Variants in KRTAP9-2 observed in about 807,000 individuals in gnomAD.
KRTAP9-2 encodes the protein keratin-associated protein 9-2.
In KRTAP9-2, 12 loss-of-function variants were observed where a neutral mutation model predicts 14.1. The ratio of observed to expected loss-of-function variants is 0.85; its 90% CI spans 0.55 to 1.38. The LOEUF is 1.38. KRTAP9-2 is among the 40% of genes most tolerant of loss of function. The pLI is 0.00. For missense variants in KRTAP9-2, 185 were observed against 216.3 expected, an observed-to-expected ratio of 0.86 and a Z score of 0.91; for synonymous variants, 72 against 79.5, an observed-to-expected ratio of 0.91 and a Z score of 0.50.
In KRTAP9-2 at chr17:41,227,144, T is replaced by C. The variant is rs1326560244; in HGVS notation, c.490T>C (p.Cys164Arg). 3 of 1,608,482 alleles carry C rather than the reference T, an allele frequency of 1.9e-6. No homozygotes were observed. The highest frequency in any genetic ancestry group is 2.5e-6 in the Non-Finnish European group (3 of 1,178,548). ...CCRTTCFQPTCVSSCCQPSCC is the reference protein window; with the variant it reads ...CCRTTCFQPTRVSSCCQPSCC Reference sequence around the variant, plus strand: ...CAGGACCACTTGCTTCCAGCCCACCTGTGTGTCCAGCTGCTGCCAGCCTTC... The same window carrying C: ...CAGGACCACTTGCTTCCAGCCCACCCGTGTGTCCAGCTGCTGCCAGCCTTC... Residue 164 changes from cysteine (C) to arginine (R), a missense_variant, in exon 1 of 1, where the codon TGT becomes CGT. Around this residue, in one of 2 missense-constraint regions of KRTAP9-2, gnomAD observed 164 missense variants for 168.3 expected, o/e 0.97. Coordinates refer to ENST00000377721, the MANE Select transcript of KRTAP9-2 (RefSeq NM_031961.3).
rs2015785128 is a variant in KRTAP9-2, at chr17:41,227,390, A to T, written c.*211A>T. 6.6e-6 allele frequency: 3 copies of T among 455,308 alleles called. No individual in the cohort carries two copies. Among genetic ancestry groups the T allele is most frequent in the Non-Finnish European group, 1.1e-5 (3 of 275,798 alleles). The allele number at this position is 455,308 out of a possible 1,614,324, so 28.2% of individuals were successfully genotyped here. ...TCTTTTTCCTTACACCTTGTGGATC[A>T]TGTGCCAGCTTCATCTGTTCTCAAG... On this transcript the variant is annotated 3_prime_UTR_variant, in exon 1 of 1. Coordinates refer to ENST00000377721, the MANE Select transcript of KRTAP9-2 (RefSeq NM_031961.3).
In KRTAP9-2 at chr17:41,226,931, T is replaced by C. The variant is rs765468851; in HGVS notation, c.277T>C (p.Ser93Pro). 1 of 1,609,856 alleles carries C rather than the reference T, an allele frequency of 6.2e-7. No individual in the cohort carries two copies. The highest frequency in any genetic ancestry group is 8.5e-7 in the Non-Finnish European group (1 of 1,179,736). Residue 93 changes from serine to proline, a missense_variant, in exon 1 of 1, where the codon TCC becomes CCC. Ser to Pro is a moderately conservative substitution (Grantham distance 74). Transcript: ENST00000377721. ...CTGCTGCCAGCCCACCTGCTGTGGGTCCAGCTGCTGTGGCCAAACCAGCTG... is the reference window on the plus strand; with the variant it reads ...CTGCTGCCAGCCCACCTGCTGTGGGCCCAGCTGCTGTGGCCAAACCAGCTG... ...TPCCQPTCCG[S>P]SCCGQTSCGS...
At position 41,227,454 on chromosome 17, in the gene KRTAP9-2, G is replaced by T; in HGVS notation, c.*275G>T. The T allele has an allele frequency of 3.0e-6, 1 of 331,612 alleles. No homozygotes were observed. The highest frequency in any genetic ancestry group is 3.0e-5 in the South Asian group (1 of 32,804). 20.5% of individuals were successfully genotyped at this position (331,612 alleles called of 1,614,324 possible). A position where few individuals can be genotyped will look rare whatever the true frequency, so the allele number is the denominator to read the frequency against. ...CTCAGCTTTGACTCTAAAGTCAAGAGCTTCATTCCCTGCTTCTAAGGAATT... is the reference window on the plus strand; with the variant it reads ...CTCAGCTTTGACTCTAAAGTCAAGATCTTCATTCCCTGCTTCTAAGGAATT... On this transcript the variant is annotated 3_prime_UTR_variant, in exon 1 of 1. Transcript: ENST00000377721.
rs766005594 is a variant in KRTAP9-2 at position 41,227,040 on chromosome 17, C to T, written c.386C>T (p.Pro129Leu). The change falls in exon 1 of 1, where the codon CCT becomes CTT. Residue 129 changes from proline (P) to leucine (L), a missense_variant. Coordinates refer to ENST00000377721, the MANE Select transcript of KRTAP9-2 (RefSeq NM_031961.3). ...TCYYPTTVCL[P>L]GCLNQSCGSN... ...TACTACCCCACGACTGTCTGCCTGC[C>T]TGGTTGCCTAAACCAGAGCTGTGGC... The T allele has an allele frequency of 3.5e-5, 56 of 1,613,732 alleles. No individual in the cohort carries two copies. In the Admixed American group the frequency reaches 8.7e-4, roughly 25 times the overall value.
In KRTAP9-2 at chr17:41,226,934, A is replaced by G; in HGVS notation, c.280A>G (p.Ser94Gly). The G allele has an allele frequency of 6.2e-7, 1 of 1,609,690 alleles. No homozygotes were observed. Among genetic ancestry groups the G allele is most frequent in the Admixed American group, 1.7e-5 (1 of 59,788 alleles). ...PCCQPTCCGS[S>G]CCGQTSCGSS... ...CTGCCAGCCCACCTGCTGTGGGTCC[A>G]GCTGCTGTGGCCAAACCAGCTGTGG... Residue 94 changes from serine (S) to glycine (G), a missense_variant, in exon 1 of 1, where the codon AGC (serine) becomes GGC (glycine). Ser to Gly is a moderately conservative substitution (Grantham distance 56). This residue lies in a region of KRTAP9-2 where 164 missense variants were observed against 168.3 expected (regional missense o/e 0.97). Coordinates refer to ENST00000377721, the MANE Select transcript of KRTAP9-2 (RefSeq NM_031961.3).
In KRTAP9-2 at chr17:41,227,375, T is replaced by A; in HGVS notation, c.*196T>A. 2.1e-6 allele frequency: 1 copy of A among 479,868 alleles called. No individual in the cohort carries two copies. Among genetic ancestry groups the A allele is most frequent in the Non-Finnish European group, 3.4e-6 (1 of 292,952 alleles). 29.7% of individuals were successfully genotyped at this position (479,868 alleles called of 1,614,324 possible). ...ACTTCATCCTGATTCTCTTTTTCCT[T>A]ACACCTTGTGGATCATGTGCCAGCT... On this transcript the variant is annotated 3_prime_UTR_variant, in exon 1 of 1. Coordinates refer to ENST00000377721, the MANE Select transcript of KRTAP9-2 (RefSeq NM_031961.3).
At chr17:41,226,783 T>A in the KRTAP9-2 span, 1 of 1,520,596 alleles carries the variant, frequency 6.6e-7, no homozygotes. Flanking sequence ...CCGCCTGCTG[T>A]GTGTCCAGCT....
Position 41,226,788 on chromosome 17 carries a change from C to T in KRTAP9-2, c.134C>T (p.Ser45Phe). 2.0e-6 allele frequency: 3 copies of T among 1,509,186 alleles called. No individual in the cohort carries two copies. The highest frequency in any genetic ancestry group is 2.7e-6 in the Non-Finnish European group (3 of 1,114,190). The allele number at this position is 1,509,186 out of a possible 1,614,324, so 93.5% of individuals were successfully genotyped here. The change falls in exon 1 of 1, where the codon TCC becomes TTC. Residue 45 changes from serine (S) to phenylalanine (F), a missense_variant. By Grantham distance (155) the Ser-to-Phe change is radical. This residue lies in a region of KRTAP9-2 where 164 missense variants were observed against 168.3 expected (regional missense o/e 0.97). Coordinates refer to ENST00000377721, the MANE Select transcript of KRTAP9-2 (RefSeq NM_031961.3). Reference protein sequence around the residue: ...TPCCQPACCVSSCCQPCCRPT... With the variant: ...TPCCQPACCVFSCCQPCCRPT... Reference sequence around the variant, plus strand: ...TGCTGCCAGCCCGCCTGCTGTGTGTCCAGCTGCTGCCAGCCTTGCTGCCGC... The same window carrying T: ...TGCTGCCAGCCCGCCTGCTGTGTGTTCAGCTGCTGCCAGCCTTGCTGCCGC...
Position 41,227,024 on chromosome 17 carries a change from A to T in KRTAP9-2, c.370A>T (p.Thr124Ser). 6.2e-7 allele frequency: 1 copy of T among 1,612,674 alleles called. No individual in the cohort carries two copies. The highest frequency in any genetic ancestry group is 8.5e-7 in the Non-Finnish European group (1 of 1,179,782). Residue 124 changes from threonine (T) to serine (S), a missense_variant, in exon 1 of 1, where the codon ACG becomes TCG. By Grantham distance (58) the Thr-to-Ser change is moderately conservative (BLOSUM62 1). This residue lies in a region of KRTAP9-2 where 164 missense variants were observed against 168.3 expected (regional missense o/e 0.97). Transcript: ENST00000377721. Reference sequence around the variant, plus strand: ...CTGCAGAAGAACCTGCTACTACCCCACGACTGTCTGCCTGCCTGGTTGCCT... The same window carrying T: ...CTGCAGAAGAACCTGCTACTACCCCTCGACTGTCTGCCTGCCTGGTTGCCT... ...VYCRRTCYYPTTVCLPGCLNQ... is the reference protein window; with the variant it reads ...VYCRRTCYYPSTVCLPGCLNQ...
rs1472228581 is a variant in KRTAP9-2 at position 41,226,980 on chromosome 17, G to A, written c.326G>A (p.Ser109Asn). 1 of 1,613,784 alleles carries A rather than the reference G, an allele frequency of 6.2e-7. No individual in the cohort carries two copies. The highest frequency in any genetic ancestry group is 8.5e-7 in the Non-Finnish European group (1 of 1,180,032). The change falls in exon 1 of 1, where the codon AGC becomes AAC. Residue 109 changes from serine (S) to asparagine (N), a missense_variant. By Grantham distance (46) the Ser-to-Asn change is conservative. Transcript: ENST00000377721. ...TGTGGGTCCAGCTGTGGCCAGAGCA[G>A]CTCCTGTGCACCTGTGTACTGCAGA... Reference protein sequence around the residue: ...TSCGSSCGQSSSCAPVYCRRT... With the variant: ...TSCGSSCGQSNSCAPVYCRRT...
chr17:41,226,773 C>A lies in KRTAP9-2; in HGVS notation c.119C>A (p.Pro40His). 1 of 1,519,110 alleles carries A rather than the reference C, an allele frequency of 6.6e-7. No homozygotes were observed. Among genetic ancestry groups the A allele is most frequent in the Non-Finnish European group, 8.9e-7 (1 of 1,122,416 alleles). The allele number at this position is 1,519,110 out of a possible 1,614,324, so 94.1% of individuals were successfully genotyped here. A position where few individuals can be genotyped will look rare whatever the true frequency, so the allele number is the denominator to read the frequency against. The change falls in exon 1 of 1, where the codon CCC (proline) becomes CAC (histidine). Residue 40 changes from proline to histidine, a missense_variant. By Grantham distance (77) the Pro-to-His change is moderately conservative (BLOSUM62 -2). Transcript: ENST00000377721. ...TTCSSTPCCQ[P>H]ACCVSSCCQP... ...TGCAGCAGCACACCCTGCTGCCAGC[C>A]CGCCTGCTGTGTGTCCAGCTGCTGC... is the stretch of plus-strand genomic sequence containing the variant.
At position 41,226,845 on chromosome 17, in the gene KRTAP9-2, C is replaced by T. The variant is rs1598035372; in HGVS notation, c.191C>T (p.Thr64Ile). ...TGCTGTCAAAACACCTGCTGTAGGA[C>T]CACCTGCTGCCAGCCCACCTGTGTG... ...PTCCQNTCCR[T>I]TCCQPTCVTS... The change falls in exon 1 of 1, where the codon ACC becomes ATC. Residue 64 changes from threonine to isoleucine, a missense_variant. By Grantham distance (89) the Thr-to-Ile change is moderately conservative (BLOSUM62 -1). This residue lies in a region of KRTAP9-2 where 164 missense variants were observed against 168.3 expected (regional missense o/e 0.97). Coordinates refer to ENST00000377721, the MANE Select transcript of KRTAP9-2 (RefSeq NM_031961.3). The T allele has an allele frequency of 1.2e-5, 19 of 1,520,124 alleles. No individual in the cohort carries two copies. Among genetic ancestry groups the T allele is most frequent in the Non-Finnish European group, 1.7e-5 (19 of 1,123,798 alleles). The allele number at this position is 1,520,124 out of a possible 1,614,324, so 94.2% of individuals were successfully genotyped here. A position where few individuals can be genotyped will look rare whatever the true frequency, so the allele number is the denominator to read the frequency against.
chr17:41,226,775 G>C lies in KRTAP9-2; in HGVS notation c.121G>C (p.Ala41Pro). ...TCSSTPCCQP[A>P]CCVSSCCQPC... ...CAGCAGCACACCCTGCTGCCAGCCC[G>C]CCTGCTGTGTGTCCAGCTGCTGCCA... Residue 41 changes from alanine (A) to proline (P), a missense_variant, in exon 1 of 1, where the codon GCC becomes CCC. By Grantham distance (27) the Ala-to-Pro change is conservative. Transcript: ENST00000377721. 1 of 1,404,040 alleles carries C rather than the reference G, an allele frequency of 7.1e-7. No individual in the cohort carries two copies. The highest frequency in any genetic ancestry group is 1.4e-5 in the South Asian group (1 of 73,312). The allele number at this position is 1,404,040 out of a possible 1,614,324, so 87.0% of individuals were successfully genotyped here. A position where few individuals can be genotyped will look rare whatever the true frequency, so the allele number is the denominator to read the frequency against.
In KRTAP9-2 at chr17:41,227,197, C is replaced by A. The variant is rs755312602; in HGVS notation, c.*18C>A. ...GCTGCTGATCACGTTCCAAGAGAAC[C>A]ACCATCCTCACACAACAAATTTCTG... is the stretch of plus-strand genomic sequence containing the variant. On this transcript the variant is annotated 3_prime_UTR_variant, in exon 1 of 1. Coordinates refer to ENST00000377721, the MANE Select transcript of KRTAP9-2 (RefSeq NM_031961.3). The A allele has an allele frequency of 1.5e-5, 24 of 1,573,308 alleles. No individual in the cohort carries two copies. Among genetic ancestry groups the A allele is most frequent in the Non-Finnish European group, 6.1e-6 (7 of 1,153,712 alleles).
In KRTAP9-2 at chr17:41,226,862, A is replaced by G. The variant is rs1354417457; in HGVS notation, c.208A>G (p.Thr70Ala). Residue 70 changes from threonine to alanine, a missense_variant, in exon 1 of 1, where the codon ACC becomes GCC. This residue lies in a region of KRTAP9-2 where 164 missense variants were observed against 168.3 expected (regional missense o/e 0.97). Coordinates refer to ENST00000377721, the MANE Select transcript of KRTAP9-2 (RefSeq NM_031961.3). ...TCCRTTCCQP[T>A]CVTSCCQPSC... ...CTGTAGGACCACCTGCTGCCAGCCC[A>G]CCTGTGTGACCAGCTGCTGCCAGCC... 1.9e-6 allele frequency: 3 copies of G among 1,609,572 alleles called. No individual in the cohort carries two copies. The highest frequency in any genetic ancestry group is 1.3e-5 in the African/African-American group (1 of 74,222).
In KRTAP9-2 at chr17:41,227,187, C is replaced by T. The variant is rs1011161856; in HGVS notation, c.*8C>T. ...CAGCCTTCTTGCTGCTGATCACGTT[C>T]CAAGAGAACCACCATCCTCACACAA... On this transcript the variant is annotated 3_prime_UTR_variant, in exon 1 of 1. Transcript: ENST00000377721. The T allele has an allele frequency of 6.3e-7, 1 of 1,588,430 alleles. No homozygotes were observed. The highest frequency in any genetic ancestry group is 8.6e-7 in the Non-Finnish European group (1 of 1,165,448).
Position 41,226,772 on chromosome 17 carries a change from C to T in KRTAP9-2, c.118C>T (p.Pro40Ser), listed in dbSNP as rs1213905661. The T allele has an allele frequency of 6.6e-7, 1 of 1,518,514 alleles. No homozygotes were observed. Among genetic ancestry groups the T allele is most frequent in the East Asian group, 2.4e-5 (1 of 41,280 alleles). The allele number at this position is 1,518,514 out of a possible 1,614,324, so 94.1% of individuals were successfully genotyped here. The change falls in exon 1 of 1, where the codon CCC becomes TCC. Residue 40 changes from proline to serine, a missense_variant. By Grantham distance (74) the Pro-to-Ser change is moderately conservative. Transcript: ENST00000377721. ...CTGCAGCAGCACACCCTGCTGCCAG[C>T]CCGCCTGCTGTGTGTCCAGCTGCTG... is the stretch of plus-strand genomic sequence containing the variant. ...TTCSSTPCCQ[P>S]ACCVSSCCQP... is the part of the protein sequence containing the mutation.
chr17:41,226,926 G>A lies in KRTAP9-2; in HGVS notation c.272G>A (p.Cys91Tyr), dbSNP rs201011003. 1.2e-6 allele frequency: 2 copies of A among 1,610,192 alleles called. No homozygotes were observed. The highest frequency in any genetic ancestry group is 1.3e-5 in the African/African-American group (1 of 74,254). Residue 91 changes from cysteine to tyrosine, a missense_variant, in exon 1 of 1, where the codon TGT (cysteine) becomes TAT (tyrosine). Physicochemically the swap from Cys to Tyr is radical, Grantham distance 194. Around this residue, in one of 2 missense-constraint regions of KRTAP9-2, gnomAD observed 164 missense variants for 168.3 expected, o/e 0.97. Coordinates refer to ENST00000377721, the MANE Select transcript of KRTAP9-2 (RefSeq NM_031961.3). The stretch of plus-strand genomic sequence containing the variant: ...ACACCCTGCTGCCAGCCCACCTGCT[G>A]TGGGTCCAGCTGCTGTGGCCAAACC... ...CSTPCCQPTC[C>Y]GSSCCGQTSC...
Position 41,226,753 on chromosome 17 carries a change from C to A in KRTAP9-2, c.99C>A (p.Ser33Arg). The A allele has an allele frequency of 6.5e-7, 1 of 1,534,326 alleles. No homozygotes were observed. Among genetic ancestry groups the A allele is most frequent in the Non-Finnish European group, 8.9e-7 (1 of 1,128,586 alleles). ...AGCCCACCACTGTGACCACCTGCAG[C>A]AGCACACCCTGCTGCCAGCCCGCCT... Reference protein sequence around the residue: ...CWKPTTVTTCSSTPCCQPACC... With the variant: ...CWKPTTVTTCRSTPCCQPACC... The change falls in exon 1 of 1, where the codon AGC becomes AGA. Residue 33 changes from serine to arginine, a missense_variant. Transcript: ENST00000377721.
Sources: allele counts gnomAD v4.1 joint callset, GRCh38; gene constraint gnomAD v4.1.1; regional missense constraint gnomAD v4.1.1; transcripts MANE v1.5; gene names NCBI Gene and HGNC (gene_info 2026-07-23, HGNC 2026-07-21).